Variants in SERINC3 observed in about 807,000 individuals in gnomAD.
SERINC3 encodes the protein serine incorporator 3, also known as tumor differentially expressed protein 1.
In SERINC3, 22 loss-of-function variants were observed where a neutral mutation model predicts 52.1. The observed-to-expected ratio is 0.42, with a 90% CI of 0.30 to 0.60. The LOEUF (loss-of-function observed/expected upper bound fraction) is 0.60, where lower values mean the gene tolerates loss of function less well. SERINC3 is among the 20% of genes least tolerant of loss of function. The pLI is 0.16. For synonymous variants in SERINC3, 226 were observed against 212.7 expected (o/e 1.06, Z -0.54); for missense variants, 564 against 584.6 (o/e 0.96, Z 0.36).
intron 9 of SERINC3, 108 bp from the exon 10 acceptor site, chr20:44,500,542 T>G (rs2064273197): frequency 7.9e-7 from 1 of 1,272,088 alleles, no homozygotes; most frequent in Non-Finnish European, 1.1e-6. Context: ...GAAACTTGGC[T>G]GGCACTACCC....
Position 44,500,555 on chromosome 20 carries a change from C to T in SERINC3, c.1284-121G>A, listed in dbSNP as rs1408431378. 7.3e-6 allele frequency: 8 copies of T among 1,102,548 alleles called. No homozygotes were observed. The Admixed American group carries it at 1.1e-4, about 15-fold the overall frequency. The allele number at this position is 1,102,548 out of a possible 1,614,324, so 68.3% of individuals were successfully genotyped here. A position where few individuals can be genotyped will look rare whatever the true frequency, so the allele number is the denominator to read the frequency against. ...GTGAAACTTGGCTGGCACTACCCCCCAGTAGGGTTGAAGGGGACCAGAGGA... is the reference window on the plus strand; with the variant it reads ...GTGAAACTTGGCTGGCACTACCCCCTAGTAGGGTTGAAGGGGACCAGAGGA... On this transcript the variant is annotated intron_variant, in intron 9 of 9. Coordinates refer to ENST00000342374, the MANE Select transcript of SERINC3 (RefSeq NM_006811.4).
At chr20:44,503,248 A>C (rs2064290822) in intron 8 of SERINC3, among the ~76,000 whole-genome samples, 2 of 152,182 alleles carry the variant, frequency 1.3e-5, no homozygotes, top group Admixed American at 1.3e-4. Flanking sequence ...TTTTGCAGAA[A>C]TTGACAAGCT....
rs578040925 is a variant in SERINC3, at chr20:44,511,920, T to C, written c.396-552A>G. Among the ~76,000 whole-genome samples, 5 of 152,330 alleles carry C rather than the reference T, an allele frequency of 3.3e-5. No homozygotes were observed. In the East Asian group the frequency reaches 9.6e-4, roughly 29 times the overall value. ...CCAACCTCCAACTGGTTAACAGGTC[T>C]CAGACAATTTATTAACCTCTCTGCA... On this transcript the variant is annotated intron_variant, in intron 3 of 9. Transcript: ENST00000342374.
At chr20:44,500,557 G>T in intron 9 of SERINC3, 123 bp from the exon 10 acceptor site, 1 of 1,082,678 alleles carries the variant, frequency 9.2e-7, no homozygotes, top group Non-Finnish European at 1.4e-6. Context: ...CTACCCCCCA[G>T]TAGGGTTGAA....
chr20:44,499,899 ATT>A lies in SERINC3; in HGVS notation c.*395_*396del, dbSNP rs34126743. The A allele has an allele frequency of 7.0e-4, 91 of 130,850 alleles. No homozygotes were observed. The highest frequency in any genetic ancestry group is 1.2e-3 in the African/African-American group (43 of 35,858). The allele number at this position is 130,850 out of a possible 1,614,324, so 8.1% of individuals were successfully genotyped here. ...TAGAGGAAAACTGTAATATAAATGC[ATT>A]TTTTTTTTTTTGCTTTTAAAGGATA... On this transcript the variant is annotated 3_prime_UTR_variant, in exon 10 of 10. Transcript: ENST00000342374.
At chr20:44,496,453 A>G (rs1021715625), downstream of SERINC3, 1 of 152,354 alleles carries the variant, frequency 6.6e-6, no homozygotes, top group Admixed American at 6.5e-5. Flanking sequence ...ATCAATCTGC[A>G]CAGATCAAAT....
rs147830473 is a variant in SERINC3 at position 44,514,435 on chromosome 20, C to T, written c.40-395G>A. Among the ~76,000 whole-genome samples, 408 of 152,278 alleles carry T rather than the reference C, an allele frequency of 2.7e-3. 1 individual carries two copies. The highest frequency in any genetic ancestry group is 4.5e-3 in the Non-Finnish European group (305 of 68,026). On this transcript the variant is annotated intron_variant, in intron 1 of 9. Transcript: ENST00000342374. The stretch of plus-strand genomic sequence containing the variant: ...ACCTAACTCCACTTGCTGCTTACTG[C>T]GAATCCAAGTTACCAAAGCTGATAT...
chr20:44,510,040 A>G lies in SERINC3; in HGVS notation c.476-12T>C, dbSNP rs2064337573. 3 of 1,613,264 alleles carry G rather than the reference A, an allele frequency of 1.9e-6. No homozygotes were observed. In the African/African-American group the frequency reaches 4.0e-5, roughly 22 times the overall value. ...AACAACAAACCAGACTACAAGAACC[A>G]AGAGAACAAAGTTATTCTCTACCAT... On this transcript the variant is annotated splice_polypyrimidine_tract_variant and intron_variant, in intron 4 of 9. Coordinates refer to ENST00000342374, the MANE Select transcript of SERINC3 (RefSeq NM_006811.4).
At chr20:44,505,226 T>C (rs2064303879) in intron 6 of SERINC3, among the ~76,000 whole-genome samples, 1 of 152,250 alleles carries the variant, frequency 6.6e-6, no homozygotes, top group Non-Finnish European at 1.5e-5. Flanking sequence ...CTATCACTTC[T>C]TTGAGACTTC....
intron 3 of SERINC3, among the ~76,000 whole-genome samples, chr20:44,512,204 T>C (rs1200016234): frequency 6.6e-6 from 1 of 151,006 alleles, no homozygotes; most frequent in Non-Finnish European, 1.5e-5. Flanking sequence ...TGCCAGCTAC[T>C]AGGGAGGCTG....
At position 44,509,797 on chromosome 20, in the gene SERINC3, A is replaced by C. The variant is rs530892381; in HGVS notation, c.613+94T>G. 51 of 1,352,528 alleles carry C rather than the reference A, an allele frequency of 3.8e-5. 1 individual carries two copies. The South Asian group carries it at 6.5e-4, about 17-fold the overall frequency. The allele number at this position is 1,352,528 out of a possible 1,614,324, so 83.8% of individuals were successfully genotyped here. A position where few individuals can be genotyped will look rare whatever the true frequency, so the allele number is the denominator to read the frequency against. The stretch of plus-strand genomic sequence containing the variant: ...CTCCCACCTTGGACTTCTGTCCCTG[A>C]GGACTATAGCTGCTGGGACTATAAT... On this transcript the variant is annotated intron_variant, in intron 5 of 9. Coordinates refer to ENST00000342374, the MANE Select transcript of SERINC3 (RefSeq NM_006811.4).
chr20:44,516,382 T>A (rs2064380879), intron 1 of SERINC3, among the ~76,000 whole-genome samples: 2 of 152,082 alleles, frequency 1.3e-5, no homozygotes, highest in South Asian at 4.1e-4. Context: ...ATAATTTTAT[T>A]TCTTTTTTTC....
chr20:44,502,860 G>A (rs1280557821), intron 8 of SERINC3, among the ~76,000 whole-genome samples: 2 of 152,026 alleles, frequency 1.3e-5, no homozygotes, highest in African/African-American at 2.4e-5. Flanking sequence ...GCCTCCTAAC[G>A]TGTGGGAAAT....
rs1225871892 is a variant in SERINC3, at chr20:44,498,030, C to T, written c.*2266G>A. 3 of 152,136 alleles carry T rather than the reference C, an allele frequency of 2.0e-5. No homozygotes were observed. The highest frequency in any genetic ancestry group is 4.8e-5 in the African/African-American group (2 of 41,384). 9.4% of individuals were successfully genotyped at this position (152,136 alleles called of 1,614,324 possible). Reference sequence around the variant, plus strand: ...GCCTGTGGTCATAAATCAAATAGTACGTACTCAACAAATAATAGCTGACAA... The same window carrying T: ...GCCTGTGGTCATAAATCAAATAGTATGTACTCAACAAATAATAGCTGACAA... On this transcript the variant is annotated 3_prime_UTR_variant, in exon 10 of 10. Transcript: ENST00000342374.
At position 44,512,915 on chromosome 20, in the gene SERINC3, C is replaced by T. The variant is rs1266648593; in HGVS notation, c.281G>A (p.Gly94Asp). ...NADKDCDVLVGYKAVYRISFA... is the reference protein window; with the variant it reads ...NADKDCDVLVDYKAVYRISFA... ...GCTGATCCGATACACAGCTTTATAA[C>T]CAACCAGCACATCACAATCTTTATC... The change falls in exon 3 of 10, where the codon GGT (glycine) becomes GAT (aspartate). Residue 94 changes from glycine to aspartate, a missense_variant. Physicochemically the swap from Gly to Asp is moderately conservative, Grantham distance 94 (BLOSUM62 -1). Transcript: ENST00000342374. The T allele has an allele frequency of 5.7e-6, 9 of 1,567,954 alleles. No individual in the cohort carries two copies. Among genetic ancestry groups the T allele is most frequent in the Non-Finnish European group, 6.9e-6 (8 of 1,164,912 alleles).
chr20:44,509,331 C>T (rs2064333333), intron 5 of SERINC3, among the ~76,000 whole-genome samples: 2 of 152,168 alleles, frequency 1.3e-5, no homozygotes, highest in South Asian at 2.1e-4. Flanking sequence ...TCCATGGAAA[C>T]AAGGTTATCA....
intron 8 of SERINC3, 55 bp from the exon 9 acceptor site, chr20:44,501,355 C>T (rs1028526422): frequency 7.1e-7 from 1 of 1,408,958 alleles, no homozygotes; most frequent in South Asian, 1.2e-5. Context: ...CAATGAACTG[C>T]TGCCACTGGC....
intron 1 of SERINC3, among the ~76,000 whole-genome samples, chr20:44,519,008 C>T (rs1268033187): frequency 6.6e-6 from 1 of 151,900 alleles, no homozygotes; most frequent in East Asian, 1.9e-4. Context: ...TCTAACCGCC[C>T]CCTTTGAGTT....
chr20:44,501,200 C>T lies in SERINC3; in HGVS notation c.1156G>A (p.Glu386Lys), dbSNP rs1660683447. The change falls in exon 9 of 10, where the codon GAA becomes AAA. Residue 386 changes from glutamate to lysine, a missense_variant. Transcript: ENST00000342374. The part of the protein sequence containing the change: ...DTTTSGASDE[E>K]DGQPRRAVDN... The stretch of plus-strand genomic sequence containing the variant: ...ACAGCCCGCCGAGGCTGTCCATCTT[C>T]TTCATCACTGGCACCACTGGTAGTT... The T allele has an allele frequency of 6.2e-7, 1 of 1,614,096 alleles. No individual in the cohort carries two copies. Among genetic ancestry groups the T allele is most frequent in the Admixed American group, 1.7e-5 (1 of 60,004 alleles).
Sources: gnomAD v4.1 joint callset for allele counts (sites outside exome capture counted in the v4.1 genomes callset) on GRCh38, gnomAD v4.1.1 for gene constraint, MANE v1.5 for transcripts, NCBI Gene and HGNC (gene_info 2026-07-23, HGNC 2026-07-21) for gene names.